Variants in SEC24D observed in about 807,000 individuals in gnomAD.
SEC24D encodes the protein SEC24 homolog D, COPII component.
In SEC24D, 69 loss-of-function variants were observed where a neutral mutation model predicts 116.9. The observed-to-expected ratio is 0.59, with a 90% CI of 0.49 to 0.72. The LOEUF (loss-of-function observed/expected upper bound fraction) is 0.72. Among genes scored for constraint, SEC24D ranks in the 30% least tolerant of loss-of-function variants. The probability of loss-of-function intolerance (pLI) is 0.00; values close to 1 mark genes in which losing one functional copy is unlikely to be tolerated. For synonymous variants in SEC24D, 405 were observed against 442.8 expected (o/e 0.91, Z 1.07); for missense variants, 1,131 against 1,264.1 (o/e 0.89, Z 1.60).
chr4:118,778,119 C>CA (rs2110483168), intron 8 of SEC24D, among the ~76,000 whole-genome samples: 1 of 152,322 alleles, frequency 6.6e-6, no homozygotes, highest in African/African-American at 2.4e-5. Context: ...AACTAGATCA[C>CA]ATTTGTCTGT....
At chr4:118,783,523 C>G (rs1728524179) in intron 8 of SEC24D, among the ~76,000 whole-genome samples, 1 of 152,182 alleles carries the variant, frequency 6.6e-6, no homozygotes, top group Non-Finnish European at 1.5e-5. Context: ...ACTGGGAGAA[C>G]AATGAGTATT....
chr4:118,738,434 T>C (rs1726076521), intron 18 of SEC24D, 55 bp from the exon 19 acceptor site: 6 of 1,137,652 alleles, frequency 5.3e-6, no homozygotes, highest in Admixed American at 1.8e-5. Flanking sequence ...ACTGATCTCT[T>C]CAAATAATCA....
chr4:118,816,892 A>G (rs766609613), intron 4 of SEC24D: 5 of 428,276 alleles, frequency 1.2e-5, no homozygotes, highest in South Asian at 6.8e-5. Context: ...AATGAGTACT[A>G]TATTTCTGAT....
intron 19 of SEC24D, among the ~76,000 whole-genome samples, chr4:118,735,277 C>A (rs926396388): frequency 2.2e-4 from 34 of 152,060 alleles, no homozygotes; most frequent in Non-Finnish European, 4.6e-4. Flanking sequence ...TGAAAGAAAA[C>A]AAGAAGACAA....
At position 118,810,026 on chromosome 4, in the gene SEC24D, TG is replaced by T. The variant is rs892437374; in HGVS notation, c.802-4073del. Among the ~76,000 whole-genome samples, 4 of 142,868 alleles carry T rather than the reference TG, an allele frequency of 2.8e-5. No individual in the cohort carries two copies. The Admixed American group carries it at 2.9e-4, about 10-fold the overall frequency. 93.7% of individuals were successfully genotyped at this position (142,868 alleles called of 152,430 possible). A position where few individuals can be genotyped will look rare whatever the true frequency, so the allele number is the denominator to read the frequency against. On this transcript the variant is annotated intron_variant, in intron 6 of 22. Transcript: ENST00000280551. ...GGAACAACAAAGAGGCTGGTGTTGC[TG>T]GTCAAAGTGGGTGGAGAAGAGTGGT...
rs1394845358 is a variant in SEC24D at position 118,769,996 on chromosome 4, A to C, written c.1042-1685T>G. 2.6e-5 allele frequency among the ~76,000 whole-genome samples: 4 copies of C among 152,278 alleles called. No individual in the cohort carries two copies. The East Asian group carries it at 7.7e-4, about 29-fold the overall frequency. On this transcript the variant is annotated intron_variant, in intron 8 of 22. Transcript: ENST00000280551. ...TCAGGACAAAGTCATCTTTGACAGG[A>C]GGGCAAGTATGAGATGGGCTTCAGG...
chr4:118,806,622 T>C (rs1371841401), intron 6 of SEC24D, among the ~76,000 whole-genome samples: 2 of 151,764 alleles, frequency 1.3e-5, no homozygotes, highest in African/African-American at 4.8e-5. Flanking sequence ...TGTGAGCCAC[T>C]GCACCTGGCC....
At chr4:118,834,720 T>G (rs1356754987) in intron 1 of SEC24D, among the ~76,000 whole-genome samples, 2 of 152,222 alleles carry the variant, frequency 1.3e-5, no homozygotes, top group Non-Finnish European at 2.9e-5. Flanking sequence ...TTCCTTCTTT[T>G]AGAAAATGAA....
At chr4:118,792,245 C>T (rs1385228448) in intron 8 of SEC24D, among the ~76,000 whole-genome samples, 2 of 151,620 alleles carry the variant, frequency 1.3e-5, no homozygotes, top group Non-Finnish European at 2.9e-5. Context: ...AGACCCTCCG[C>T]CCGGCAGCCG....
chr4:118,757,608 CCAGTGTCCT>C (rs1727163561), intron 11 of SEC24D, 104 bp downstream of exon 11: 8 of 833,054 alleles, frequency 9.6e-6, no homozygotes. Flanking sequence ...GACTAATTAC[CCAGTGTCCT>C]CATTAGCAAA....
At chr4:118,772,927 G>A (rs1039197456) in intron 8 of SEC24D, among the ~76,000 whole-genome samples, 1 of 151,996 alleles carries the variant, frequency 6.6e-6, no homozygotes. Flanking sequence ...CCCACACTCA[G>A]AACATTGCTG....
chr4:118,817,963 G>C (rs1206990563), intron 3 of SEC24D, among the ~76,000 whole-genome samples: 2 of 152,018 alleles, frequency 1.3e-5, no homozygotes, highest in African/African-American at 2.4e-5. Context: ...CTTGAGTCCA[G>C]GAGGTCAAGA....
intron 5 of SEC24D, 65 bp from the exon 6 acceptor site, chr4:118,815,220 C>T (rs531893666): frequency 1.3e-5 from 21 of 1,570,806 alleles, no homozygotes; most frequent in Middle Eastern, 1.9e-4. Context: ...GACTTGTTGA[C>T]GATATTATGC....
chr4:118,813,099 G>A (rs1729987086), intron 6 of SEC24D, among the ~76,000 whole-genome samples: 1 of 152,182 alleles, frequency 6.6e-6, no homozygotes, highest in African/African-American at 2.4e-5. Context: ...CTTCAGAGGA[G>A]GAGCTTATCC....
chr4:118,765,026 T>C, intron 9 of SEC24D, 109 bp from the exon 10 acceptor site: 5 of 661,684 alleles, frequency 7.6e-6, no homozygotes, highest in Non-Finnish European at 1.3e-5. Flanking sequence ...TCTGGAAAAA[T>C]GTATTTTAAA....
intron 2 of SEC24D, chr4:118,825,308 C>A: frequency 3.5e-6 from 1 of 286,506 alleles, no homozygotes; most frequent in South Asian, 3.4e-5. Context: ...TGATGAACAG[C>A]TGGGGGACTG....
intron 9 of SEC24D, among the ~76,000 whole-genome samples, chr4:118,765,147 C>A (rs1329388806): frequency 1.3e-5 from 2 of 152,086 alleles, no homozygotes; most frequent in Non-Finnish European, 2.9e-5. Flanking sequence ...ATGATTTAGA[C>A]CATCCTAGAG....
rs569393693 is a variant in SEC24D, at chr4:118,781,911, C to T, written c.1042-13600G>A. ...GCTTGTGCATGCGTCACGTAGTTTT[C>T]GCACCATGGTTTTCAGCTCCATCAG... is the stretch of plus-strand genomic sequence containing the variant. On this transcript the variant is annotated intron_variant, in intron 8 of 22. Coordinates refer to ENST00000280551, the MANE Select transcript of SEC24D (RefSeq NM_014822.4). 3.4e-4 allele frequency among the ~76,000 whole-genome samples: 52 copies of T among 152,294 alleles called. 1 individual carries two copies. In the East Asian group the frequency reaches 3.9e-3, roughly 11 times the overall value.
rs1345182377 is a variant in SEC24D, at chr4:118,723,599, T to C, written c.3015A>G (p.Val1005=). The change falls in exon 23 of 23, where the codon GTA becomes GTG. Residue 1005 remains valine (V), a synonymous_variant. Transcript: ENST00000280551. ...AGCCTCCGTAAAGTCCTTTGTCTTC[T>C]ACCAGGAACTGTCGGAAAACCATTT... ...QPEMVFRQFL[V]EDKGLYGGSS... is the part of the protein sequence containing the mutation. The C allele has an allele frequency of 2.5e-6, 4 of 1,613,788 alleles. No individual in the cohort carries two copies. Among genetic ancestry groups the C allele is most frequent in the Non-Finnish European group, 3.4e-6 (4 of 1,179,892 alleles).
Sources: gnomAD v4.1 joint callset for allele counts (sites outside exome capture counted in the v4.1 genomes callset) on GRCh38, gnomAD v4.1.1 for gene constraint, MANE v1.5 for transcripts, NCBI Gene and HGNC (gene_info 2026-07-23, HGNC 2026-07-21) for gene names.